Variants in SPON1 observed in about 807,000 individuals in gnomAD.
The protein encoded by SPON1 is spondin-1.
In SPON1, 52 loss-of-function variants were observed where a neutral mutation model predicts 111.7. The ratio of observed to expected loss-of-function variants is 0.47; its 90% CI spans 0.37 to 0.59. SPON1 has a LOEUF of 0.59. Ranked by LOEUF, SPON1 falls within the 20% of genes least tolerant of loss-of-function variation. The pLI is 0.00. For missense variants in SPON1, 957 were observed against 1,068.5 expected, an observed-to-expected ratio of 0.90 and a Z score of 1.46; for synonymous variants, 410 against 395.8, an observed-to-expected ratio of 1.04 and a Z score of -0.43.
intron 4 of SPON1, among the ~76,000 whole-genome samples, chr11:14,076,251 A>T (rs1848916827): frequency 1.3e-5 from 2 of 152,248 alleles, no homozygotes. Flanking sequence ...CTCTATATTT[A>T]TACAGCATAA....
intron 6 of SPON1, among the ~76,000 whole-genome samples, chr11:14,140,335 G>T (rs140611988): frequency 3.3e-5 from 5 of 152,110 alleles, no homozygotes; most frequent in Non-Finnish European, 5.9e-5. Flanking sequence ...CATTGAACTT[G>T]CTCTCTCAGT....
At chr11:14,179,533 G>A (rs1554933502) in intron 6 of SPON1, among the ~76,000 whole-genome samples, 1 of 152,128 alleles carries the variant, frequency 6.6e-6, no homozygotes, top group African/African-American at 2.4e-5. Context: ...GGTGGAGTGA[G>A]GGTGGGGGTT....
chr11:14,056,847 C>T (rs539300546), intron 3 of SPON1, among the ~76,000 whole-genome samples: 66 of 152,060 alleles, frequency 4.3e-4, no homozygotes, highest in Non-Finnish European at 1.6e-4. Context: ...GCGGAGATCG[C>T]GCCACTGCAC....
intron 6 of SPON1, among the ~76,000 whole-genome samples, chr11:14,155,972 G>A (rs1847841032): frequency 1.5e-5 from 2 of 131,486 alleles, no homozygotes; most frequent in Non-Finnish European, 3.4e-5. Flanking sequence ...ATGTGCATGT[G>A]TCTTTATAGC....
At chr11:14,232,236 C>A (rs1554938818) in intron 6 of SPON1, among the ~76,000 whole-genome samples, 2 of 152,028 alleles carry the variant, frequency 1.3e-5, no homozygotes, top group African/African-American at 4.8e-5. Context: ...CTATATTTTC[C>A]CCGGAGAGCT....
intron 2 of SPON1, among the ~76,000 whole-genome samples, chr11:14,011,372 A>T (rs1848403141): frequency 6.7e-6 from 1 of 150,092 alleles, no homozygotes. Flanking sequence ...TTAGAATCTA[A>T]GGAAAGCTAT....
chr11:14,253,236 G>C (rs1849071060), intron 7 of SPON1, among the ~76,000 whole-genome samples: 1 of 152,182 alleles, frequency 6.6e-6, no homozygotes, highest in African/African-American at 2.4e-5. Flanking sequence ...ATTCAGGAAG[G>C]CTTTTCCTCC....
rs782448658 is a variant in SPON1, at chr11:14,243,334, T to C, written c.828T>C (p.Ser276=). The C allele has an allele frequency of 6.5e-5, 103 of 1,580,418 alleles. No homozygotes were observed. The highest frequency in any genetic ancestry group is 8.7e-5 in the Non-Finnish European group (101 of 1,162,578). Residue 276 remains serine (S), a splice_region_variant and synonymous_variant, in exon 7 of 16, where the codon AGT becomes AGC. Transcript: ENST00000576479. Reference sequence around the variant, plus strand: ...ATATTTGTGGTCCTTTTTTGCAGAGTGATGAGGTCCTCACCGTCATCAAAG... The same window carrying C: ...ATATTTGTGGTCCTTTTTTGCAGAGCGATGAGGTCCTCACCGTCATCAAAG... ...VKMEEEIRQQ[S]DEVLTVIKAK...
At chr11:14,017,906 T>C (rs12803890) in intron 2 of SPON1, among the ~76,000 whole-genome samples, 45,321 of 152,112 alleles carry the variant, frequency 0.3, 7,964 homozygotes, top group South Asian at 0.5. Flanking sequence ...TTGTTACATC[T>C]TTGTAATGTA....
At chr11:14,092,447 C>T (rs573160168) in intron 5 of SPON1, among the ~76,000 whole-genome samples, 3 of 152,192 alleles carry the variant, frequency 2.0e-5, no homozygotes, top group Non-Finnish European at 4.4e-5. Flanking sequence ...TACTCTTTGA[C>T]TAACTTGCCC....
rs1216080158 is a variant in SPON1, at chr11:14,160,691, TTATATATTTA to T, written c.825+25149_825+25158del. ...TATTTACATATATTTATATATATATTTATATATTTATATATATTTATATATATTTATATAT... is the reference window on the plus strand; with the variant it reads ...TATTTACATATATTTATATATATATTTATATATTTATATATATTTATATAT... On this transcript the variant is annotated intron_variant, in intron 6 of 15. Coordinates refer to ENST00000576479, the MANE Select transcript of SPON1 (RefSeq NM_006108.4). Among the ~76,000 whole-genome samples, 26 of 11,548 alleles carry T rather than the reference TTATATATTTA, an allele frequency of 2.3e-3. 4 individuals are homozygous for T. Among genetic ancestry groups the T allele is most frequent in the African/African-American group, 5.4e-3 (7 of 1,308 alleles). The allele number at this position is 11,548 out of a possible 152,430, so 7.6% of individuals were successfully genotyped here.
chr11:14,172,649 T>G (rs1267844440), intron 6 of SPON1, among the ~76,000 whole-genome samples: 4 of 152,004 alleles, frequency 2.6e-5, no homozygotes, highest in Non-Finnish European at 5.9e-5. Flanking sequence ...CCTTTCCATG[T>G]TTAGTGCTTC....
At chr11:13,974,964 T>C (rs1848090707) in intron 1 of SPON1, among the ~76,000 whole-genome samples, 1 of 152,230 alleles carries the variant, frequency 6.6e-6, no homozygotes, top group African/African-American at 2.4e-5. Flanking sequence ...ACATTTCTGC[T>C]ACATGGGATG....
In SPON1 at chr11:14,075,431, G is replaced by C; in HGVS notation, c.553+13G>C. The stretch of plus-strand genomic sequence containing the variant: ...CTTTGTGAACAAGGTAAGACCCTGT[G>C]GGTGGGGAGGGGGAGGGGCAGAGAC... On this transcript the variant is annotated intron_variant, in intron 4 of 15. Coordinates refer to ENST00000576479, the MANE Select transcript of SPON1 (RefSeq NM_006108.4). 2 of 1,538,050 alleles carry C rather than the reference G, an allele frequency of 1.3e-6. No individual in the cohort carries two copies. The highest frequency in any genetic ancestry group is 1.8e-6 in the Non-Finnish European group (2 of 1,135,294).
At chr11:14,058,202 A>T (rs1268975748) in intron 3 of SPON1, among the ~76,000 whole-genome samples, 1 of 152,196 alleles carries the variant, frequency 6.6e-6, no homozygotes, top group Non-Finnish European at 1.5e-5. Context: ...AGGACTTGCC[A>T]GACCTGAGGG....
intron 6 of SPON1, among the ~76,000 whole-genome samples, chr11:14,207,593 A>T (rs1177048360): frequency 6.6e-6 from 1 of 152,226 alleles, no homozygotes; most frequent in African/African-American, 2.4e-5. Flanking sequence ...ATATGCGACT[A>T]ACAACCATAT....
rs115465546 is a variant in SPON1 at position 14,178,598 on chromosome 11, T to C, written c.825+43030T>C. ...CTCTGCAAGGAAATGAGCATAGATA[T>C]TTCCAAGACTAAACCATCATACCCA... On this transcript the variant is annotated intron_variant, in intron 6 of 15. Coordinates refer to ENST00000576479, the MANE Select transcript of SPON1 (RefSeq NM_006108.4). Among the ~76,000 whole-genome samples the C allele has an allele frequency of 6.3e-3, 967 of 152,290 alleles. 8 individuals are homozygous for C. Among genetic ancestry groups the C allele is most frequent in the African/African-American group, 0.022 (910 of 41,542 alleles).
At chr11:13,966,773 T>C (rs1037193061) in intron 1 of SPON1, among the ~76,000 whole-genome samples, 47 of 152,150 alleles carry the variant, frequency 3.1e-4, no homozygotes, top group African/African-American at 1.1e-3. Flanking sequence ...AGGTCCTCCT[T>C]GGTCACATAT....
intron 6 of SPON1, among the ~76,000 whole-genome samples, chr11:14,161,209 TTA>T (rs1483963936): frequency 0.014 from 674 of 47,646 alleles, 40 homozygotes; most frequent in African/African-American, 0.051. Flanking sequence ...ATTTATATAT[TTA>T]TATATATCTA....
Sources: allele counts gnomAD v4.1 joint callset (sites outside exome capture counted in the v4.1 genomes callset), GRCh38; gene constraint gnomAD v4.1.1; transcripts MANE v1.5; gene names NCBI Gene and HGNC (gene_info 2026-07-23, HGNC 2026-07-21).